FHIT: variants seen among roughly 807,000 people sequenced by gnomAD.
FHIT encodes the protein bis(5'-adenosyl)-triphosphatase.
FHIT carries 19 observed loss-of-function variants against 17.9 expected under a neutral mutation model. The observed-to-expected ratio is 1.06, with a 90% confidence interval of 0.74 to 1.56. FHIT has a LOEUF of 1.56. Among genes scored for constraint, FHIT ranks in the 40% most tolerant of loss-of-function variants. The probability of loss-of-function intolerance (pLI) is 0.00; values close to 1 mark genes in which losing one functional copy is unlikely to be tolerated. For synonymous variants in FHIT, 81 were observed against 69.7 expected (o/e 1.16, Z -0.81); for missense variants, 248 against 189.2 (o/e 1.31, Z -1.82).
Position 59,976,741 on chromosome 3 carries a change from G to C in FHIT, c.279+34630C>G, listed in dbSNP as rs1708430150. Among the ~76,000 whole-genome samples, 3 of 152,076 alleles carry C rather than the reference G, an allele frequency of 2.0e-5. No homozygotes were observed. The South Asian group carries it at 6.2e-4, about 31-fold the overall frequency. On this transcript the variant is annotated intron_variant, in intron 7 of 9. Coordinates refer to ENST00000492590, the MANE Select transcript of FHIT (RefSeq NM_002012.4). Reference sequence around the variant, plus strand: ...TTCCCCTAGAAATACTTACAAGGGAGATGATATTCAGTTTAGACTCAAAGG... The same window carrying C: ...TTCCCCTAGAAATACTTACAAGGGACATGATATTCAGTTTAGACTCAAAGG...
intron 5 of FHIT, among the ~76,000 whole-genome samples, chr3:60,400,067 C>T (rs909535732): frequency 6.6e-6 from 1 of 152,084 alleles, no homozygotes; most frequent in Non-Finnish European, 1.5e-5. Context: ...ATGGGGATGG[C>T]AGTACTCTGG....
chr3:60,510,984 T>C (rs2034930970), intron 5 of FHIT, among the ~76,000 whole-genome samples: 1 of 152,148 alleles, frequency 6.6e-6, no homozygotes, highest in Non-Finnish European at 1.5e-5. Context: ...GGGTGAAAAG[T>C]GTTCTGATGA....
At chr3:60,309,352 CTT>C (rs1418108257) in intron 5 of FHIT, among the ~76,000 whole-genome samples, 1 of 151,860 alleles carries the variant, frequency 6.6e-6, no homozygotes, top group Non-Finnish European at 1.5e-5. Flanking sequence ...ACTTCTGACA[CTT>C]TGGTATATTA....
chr3:60,694,522 T>G (rs1553700163), intron 4 of FHIT, among the ~76,000 whole-genome samples: 2 of 152,176 alleles, frequency 1.3e-5, no homozygotes, highest in African/African-American at 4.8e-5. Context: ...CTCAAGGATC[T>G]AGAACTAGAA....
chr3:60,912,624 T>A, intron 3 of FHIT: 1 of 358,838 alleles, frequency 2.8e-6, no homozygotes, highest in South Asian at 2.6e-5. Context: ...CCTCCCCACC[T>A]ATCAGGAAAG....
chr3:61,198,892 CGCCGATGAT>C (rs1355090224), intron 2 of FHIT, among the ~76,000 whole-genome samples: 9 of 72,786 alleles, frequency 1.2e-4, no homozygotes, highest in African/African-American at 1.9e-4. Context: ...CTGCTGCCGC[CGCCGATGAT>C]GATGATGATG....
At chr3:59,752,788 C>T (rs113013889) in intron 8 of FHIT, among the ~76,000 whole-genome samples, 152 of 152,238 alleles carry the variant, frequency 1.0e-3, no homozygotes, top group African/African-American at 2.8e-3. Flanking sequence ...CTTTCCCTTC[C>T]GCCATGATTG....
chr3:59,783,361 C>T (rs559001192), intron 8 of FHIT, among the ~76,000 whole-genome samples: 14 of 152,188 alleles, frequency 9.2e-5, no homozygotes, highest in Admixed American at 7.2e-4. Context: ...CTCAGCTACT[C>T]GGGAGGCTGA....
chr3:59,978,356 T>C (rs1290800609), intron 7 of FHIT, among the ~76,000 whole-genome samples: 1 of 152,100 alleles, frequency 6.6e-6, no homozygotes, highest in African/African-American at 2.4e-5. Flanking sequence ...TTAAAGTACG[T>C]TATTTCTTCC....
chr3:60,128,478 C>T lies in FHIT; in HGVS notation c.104-114326G>A, dbSNP rs769000694. Among the ~76,000 whole-genome samples the T allele has an allele frequency of 1.1e-3, 162 of 152,318 alleles. 1 individual carries two copies. Among genetic ancestry groups the T allele is most frequent in the Admixed American group, 3.9e-3 (59 of 15,292 alleles). On this transcript the variant is annotated intron_variant, in intron 5 of 9. Transcript: ENST00000492590. ...GCTGAACTGTGAGTCAATTAAAACT[C>T]TTTCCTTTATAAATTGTCCAGTCTC...
chr3:60,034,915 T>G (rs1001135705), intron 5 of FHIT, among the ~76,000 whole-genome samples: 1 of 152,250 alleles, frequency 6.6e-6, no homozygotes, highest in African/African-American at 2.4e-5. Flanking sequence ...AAACTAAATT[T>G]CCTTCACCAA....
intron 5 of FHIT, among the ~76,000 whole-genome samples, chr3:60,082,457 G>T (rs1703329766): frequency 6.6e-6 from 1 of 152,004 alleles, no homozygotes; most frequent in African/African-American, 2.4e-5. Flanking sequence ...TATCAGTTTG[G>T]TGGAACAGTT....
At chr3:59,852,730 C>T (rs1227684997) in intron 8 of FHIT, among the ~76,000 whole-genome samples, 1 of 152,152 alleles carries the variant, frequency 6.6e-6, no homozygotes, top group African/African-American at 2.4e-5. Context: ...TTATTATCTC[C>T]ATAATTTTGC....
At chr3:59,953,475 C>T (rs996937309) in intron 7 of FHIT, among the ~76,000 whole-genome samples, 4 of 152,156 alleles carry the variant, frequency 2.6e-5, no homozygotes, top group South Asian at 2.1e-4. Context: ...GGTATGCCAG[C>T]GCTGCCCTCT....
chr3:60,688,392 T>A (rs527850620), intron 4 of FHIT, among the ~76,000 whole-genome samples: 1 of 152,120 alleles, frequency 6.6e-6, no homozygotes, highest in African/African-American at 2.4e-5. Flanking sequence ...AACATCAATA[T>A]TCAGATAGAC....
At chr3:60,269,757 A>T (rs892223350) in intron 5 of FHIT, among the ~76,000 whole-genome samples, 2 of 152,364 alleles carry the variant, frequency 1.3e-5, no homozygotes, top group East Asian at 1.9e-4. Flanking sequence ...AGTGAAGCAG[A>T]TAGAAATGTT....
At chr3:60,154,819 A>T (rs1300190379) in intron 5 of FHIT, among the ~76,000 whole-genome samples, 1 of 152,214 alleles carries the variant, frequency 6.6e-6, no homozygotes, top group Non-Finnish European at 1.5e-5. Flanking sequence ...TATTTAAACT[A>T]TTCAATAGCA....
intron 5 of FHIT, among the ~76,000 whole-genome samples, chr3:60,070,017 C>T (rs1252623419): frequency 6.6e-6 from 1 of 152,190 alleles, no homozygotes; most frequent in Non-Finnish European, 1.5e-5. Context: ...GCATTCCAGG[C>T]TGGTATAGGG....
At chr3:60,253,804 C>G (rs17062633) in intron 5 of FHIT, among the ~76,000 whole-genome samples, 4,883 of 152,276 alleles carry the variant, frequency 0.032, 144 homozygotes, top group East Asian at 0.093. Context: ...AATAAAACAC[C>G]AGGACAAAAC....
Sources: allele counts gnomAD v4.1 joint callset (sites outside exome capture counted in the v4.1 genomes callset), GRCh38; gene constraint gnomAD v4.1.1; transcripts MANE v1.5; gene names NCBI Gene and HGNC (gene_info 2026-07-23, HGNC 2026-07-21).